The following HIRA variants were observed in gnomAD, a reference collection of about 807,000 sequenced individuals.
The protein encoded by HIRA is histone cell cycle regulator, also known as protein HIRA.
HIRA carries 13 observed loss-of-function variants against 126.6 expected under a neutral mutation model. That is an observed-to-expected ratio of 0.10 (90% CI 0.07 to 0.16). The LOEUF (loss-of-function observed/expected upper bound fraction) is 0.16. Among genes scored for constraint, HIRA ranks in the 10% least tolerant of loss-of-function variants. The probability of loss-of-function intolerance (pLI) is 1.00; values close to 1 mark genes in which losing one functional copy is unlikely to be tolerated. For missense variants in HIRA, 834 were observed against 1,314.4 expected (o/e 0.63, Z 5.65); for synonymous variants, 511 against 520.0 (o/e 0.98, Z 0.24).
chr22:19,350,792 T>C (rs1349110955), intron 24 of HIRA, among the ~76,000 whole-genome samples: 4 of 152,030 alleles, frequency 2.6e-5, no homozygotes, highest in Non-Finnish European at 5.9e-5. Context: ...CCACAGTGGC[T>C]CCAAACAGAT....
At chr22:19,405,039 C>G (rs1231080618) in intron 5 of HIRA, among the ~76,000 whole-genome samples, 1 of 152,204 alleles carries the variant, frequency 6.6e-6, no homozygotes, top group Non-Finnish European at 1.5e-5. Context: ...AAGGGACTCC[C>G]TCAGTAACAG....
intron 7 of HIRA, 111 bp downstream of exon 7, chr22:19,396,676 G>C: frequency 1.8e-6 from 2 of 1,112,302 alleles, no homozygotes; most frequent in South Asian, 1.4e-5. Flanking sequence ...CCCGGACTCT[G>C]TGCATTCCCC....
intron 5 of HIRA, among the ~76,000 whole-genome samples, chr22:19,404,932 T>C (rs2089296502): frequency 6.6e-6 from 1 of 152,178 alleles, no homozygotes; most frequent in African/African-American, 2.4e-5. Flanking sequence ...ACAGTGTCCA[T>C]CTAAACGACT....
intron 24 of HIRA, among the ~76,000 whole-genome samples, chr22:19,343,852 G>C (rs1410957096): frequency 6.7e-6 from 1 of 148,568 alleles, no homozygotes; most frequent in Non-Finnish European, 1.5e-5. Flanking sequence ...GATTGAGCCA[G>C]AAGGTTGAGG....
intron 6 of HIRA, among the ~76,000 whole-genome samples, chr22:19,397,637 A>G (rs1047219595): frequency 7.2e-5 from 11 of 152,168 alleles, no homozygotes; most frequent in African/African-American, 2.4e-4. Flanking sequence ...GTTAGCCCGT[A>G]TCTGCTCAAG....
At chr22:19,404,024 T>C (rs998424377) in intron 5 of HIRA, among the ~76,000 whole-genome samples, 1 of 152,236 alleles carries the variant, frequency 6.6e-6, no homozygotes, top group East Asian at 1.9e-4. Flanking sequence ...TTGTACTGTT[T>C]GATGATTTTT....
At chr22:19,344,226 A>G (rs1239765367) in intron 24 of HIRA, among the ~76,000 whole-genome samples, 1 of 152,202 alleles carries the variant, frequency 6.6e-6, no homozygotes, top group Non-Finnish European at 1.5e-5. Context: ...CAATGAAACC[A>G]AAAGTTGATT....
intron 24 of HIRA, among the ~76,000 whole-genome samples, chr22:19,336,550 T>C (rs546594855): frequency 1.6e-4 from 25 of 152,356 alleles, no homozygotes; most frequent in African/African-American, 5.5e-4. Context: ...TGTGTCCACA[T>C]GATGACTTCA....
Position 19,396,910 on chromosome 22 carries a change from G to A in HIRA, c.531C>T (p.Val177=), listed in dbSNP as rs373994332. The A allele has an allele frequency of 5.6e-6, 9 of 1,614,152 alleles. No individual in the cohort carries two copies. The African/African-American group carries it at 1.2e-4, about 22-fold the overall frequency. ...CAACAGGGTCCCATGTCAACCCTTT[G>A]ACCAAGCCAGAATGACCTCTCAGAG... The part of the protein sequence containing the change: ...LATLRGHSGL[V]KGLTWDPVGK... The change falls in exon 7 of 25, where the codon GTC becomes GTT. Residue 177 remains valine, a synonymous_variant. Transcript: ENST00000263208.
chr22:19,418,052 C>T (rs1333145476), intron 1 of HIRA, among the ~76,000 whole-genome samples: 1 of 152,016 alleles, frequency 6.6e-6, no homozygotes, highest in Non-Finnish European at 1.5e-5. Context: ...CATAGAAACA[C>T]AAAGTAGAAT....
At chr22:19,388,792 G>A (rs553464953) in intron 9 of HIRA, among the ~76,000 whole-genome samples, 2 of 152,346 alleles carry the variant, frequency 1.3e-5, no homozygotes, top group Non-Finnish European at 2.9e-5. Flanking sequence ...TGGTCTGACA[G>A]GGGAAATAGC....
At chr22:19,348,092 C>T (rs1341211173) in intron 24 of HIRA, among the ~76,000 whole-genome samples, 1 of 152,158 alleles carries the variant, frequency 6.6e-6, no homozygotes, top group Non-Finnish European at 1.5e-5. Context: ...GCCTCTATAC[C>T]AGCTGGCACC....
At chr22:19,428,765 T>C (rs1044554917) in intron 1 of HIRA, among the ~76,000 whole-genome samples, 8 of 152,088 alleles carry the variant, frequency 5.3e-5, no homozygotes, top group African/African-American at 1.9e-4. Flanking sequence ...TGGGCAACAC[T>C]GCAAGATCCC....
chr22:19,383,538 C>T (rs554927496), intron 13 of HIRA, 82 bp downstream of exon 13: 41 of 1,126,064 alleles, frequency 3.6e-5, no homozygotes, highest in Non-Finnish European at 4.6e-5. Context: ...CCGTGAAGAT[C>T]CTCACTGTGA....
chr22:19,344,616 G>A (rs2088666646), intron 24 of HIRA, among the ~76,000 whole-genome samples: 1 of 152,046 alleles, frequency 6.6e-6, no homozygotes, highest in South Asian at 2.1e-4. Context: ...AAATAGGTAG[G>A]AACACTTCCT....
At chr22:19,407,033 T>C in intron 4 of HIRA, 151 bp downstream of exon 4, 1 of 626,944 alleles carries the variant, frequency 1.6e-6, no homozygotes, top group Non-Finnish European at 2.8e-6. Context: ...CTGGTCAGGC[T>C]CCACCTGCTC....
chr22:19,421,035 C>A, intron 1 of HIRA, among the ~76,000 whole-genome samples: 1 of 152,256 alleles, frequency 6.6e-6, no homozygotes, highest in East Asian at 1.9e-4. Context: ...CAGTGGCTCA[C>A]GCCTGTAATC....
At chr22:19,397,364 A>G (rs899805942) in intron 6 of HIRA, among the ~76,000 whole-genome samples, 5 of 152,202 alleles carry the variant, frequency 3.3e-5, no homozygotes, top group African/African-American at 1.2e-4. Flanking sequence ...ACGGTACCCC[A>G]TATAGATCTG....
At chr22:19,381,698 G>A (rs949154405) in intron 13 of HIRA, among the ~76,000 whole-genome samples, 1 of 152,106 alleles carries the variant, frequency 6.6e-6, no homozygotes, top group African/African-American at 2.4e-5. Context: ...TTAGGATTTT[G>A]CACTGACATT....
Sources: gnomAD v4.1 joint callset for allele counts (sites outside exome capture counted in the v4.1 genomes callset) on GRCh38, gnomAD v4.1.1 for gene constraint, MANE v1.5 for transcripts, NCBI Gene and HGNC (gene_info 2026-07-23, HGNC 2026-07-21) for gene names.